CNTNAP2: variants seen among roughly 807,000 people sequenced by gnomAD.
CNTNAP2 encodes contactin-associated protein-like 2.
In CNTNAP2, 98 loss-of-function variants were observed where a neutral mutation model predicts 155.2. That is an observed-to-expected ratio of 0.63 (90% CI 0.54 to 0.75). The LOEUF (loss-of-function observed/expected upper bound fraction) is 0.75. Ranked by LOEUF, CNTNAP2 falls within the 30% of genes least tolerant of loss-of-function variation. The pLI is 0.00. For synonymous variants in CNTNAP2, 651 were observed against 631.2 expected (o/e 1.03, Z -0.47); for missense variants, 1,727 against 1,688.1 (o/e 1.02, Z -0.40).
At chr7:147,554,049 T>C (rs1799904254) in intron 11 of CNTNAP2, among the ~76,000 whole-genome samples, 1 of 152,198 alleles carries the variant, frequency 6.6e-6, no homozygotes, top group South Asian at 2.1e-4. Flanking sequence ...GCAACCTCTA[T>C]AGGATCTGAG....
intron 9 of CNTNAP2, among the ~76,000 whole-genome samples, chr7:147,337,395 C>T (rs1450146394): frequency 2.6e-5 from 4 of 152,114 alleles, no homozygotes; most frequent in African/African-American, 9.7e-5. Context: ...GTTCTGGGAA[C>T]AATGGGAACA....
At chr7:147,910,698 A>G (rs1800047623) in intron 14 of CNTNAP2, among the ~76,000 whole-genome samples, 1 of 152,180 alleles carries the variant, frequency 6.6e-6, no homozygotes, top group Non-Finnish European at 1.5e-5. Context: ...GAACTTGTGC[A>G]GGAGAACTCC....
chr7:146,913,342 G>C (rs1267231900), intron 3 of CNTNAP2, among the ~76,000 whole-genome samples: 2 of 152,106 alleles, frequency 1.3e-5, no homozygotes, highest in East Asian at 3.9e-4. Flanking sequence ...CCAAGCTAAG[G>C]GGTTTGTGAT....
chr7:148,302,806 G>C (rs1036952211), intron 21 of CNTNAP2, among the ~76,000 whole-genome samples: 2 of 136,882 alleles, frequency 1.5e-5, no homozygotes, highest in African/African-American at 5.3e-5. Flanking sequence ...ACTCAGTCTC[G>C]ATTATTCTTT....
intron 11 of CNTNAP2, among the ~76,000 whole-genome samples, chr7:147,516,848 CTTTTTT>C: frequency 8.9e-6 from 1 of 112,620 alleles, no homozygotes; most frequent in Non-Finnish European, 1.8e-5. Flanking sequence ...TCTTTCTTTT[CTTTTTT>C]TTTTTTTTTT....
At chr7:146,242,344 C>T (rs1799575803) in intron 1 of CNTNAP2, among the ~76,000 whole-genome samples, 1 of 152,074 alleles carries the variant, frequency 6.6e-6, no homozygotes, top group African/African-American at 2.4e-5. Context: ...TCTAGACCAG[C>T]CTGGCCAACA....
intron 9 of CNTNAP2, among the ~76,000 whole-genome samples, chr7:147,339,244 G>A (rs1795715775): frequency 6.6e-6 from 1 of 152,112 alleles, no homozygotes; most frequent in Non-Finnish European, 1.5e-5. Context: ...AGTGTTGTGA[G>A]GTGGGGCATA....
At chr7:147,225,815 G>T (rs1803517170) in intron 8 of CNTNAP2, among the ~76,000 whole-genome samples, 1 of 142,824 alleles carries the variant, frequency 7.0e-6, no homozygotes, top group Non-Finnish European at 1.5e-5. Context: ...AAGAAAGAAG[G>T]AAAGAAGGAA....
chr7:146,819,707 T>G (rs1803239195), intron 2 of CNTNAP2, among the ~76,000 whole-genome samples: 1 of 152,158 alleles, frequency 6.6e-6, no homozygotes, highest in Admixed American at 6.6e-5. Context: ...ACACAGCTCC[T>G]AATTTTCATC....
intron 12 of CNTNAP2, among the ~76,000 whole-genome samples, chr7:147,638,503 G>A (rs558744801): frequency 4.6e-5 from 7 of 151,914 alleles, no homozygotes; most frequent in East Asian, 1.9e-4. Context: ...TTCTTTTCTC[G>A]CAGTGAAATT....
At chr7:148,330,204 GTGGATGGATGGAATGGATGGATGGAA>G (rs71188971) in intron 21 of CNTNAP2, among the ~76,000 whole-genome samples, 27 of 141,516 alleles carry the variant, frequency 1.9e-4, no homozygotes, top group African/African-American at 4.8e-4. Context: ...GGTGGATGGA[GTGGATGGATGGAATGGATGGATGGAA>G]TGGATGGATG....
intron 18 of CNTNAP2, among the ~76,000 whole-genome samples, chr7:148,174,299 G>C (rs553717518): frequency 6.6e-6 from 1 of 152,226 alleles, no homozygotes; most frequent in South Asian, 2.1e-4. Flanking sequence ...GTCCAGGAAA[G>C]CTTTGTCTGC....
intron 1 of CNTNAP2, among the ~76,000 whole-genome samples, chr7:146,630,627 C>A (rs1799495397): frequency 6.6e-6 from 1 of 152,086 alleles, no homozygotes; most frequent in Non-Finnish European, 1.5e-5. Flanking sequence ...TTCTCCACAG[C>A]CTCAACAACA....
chr7:147,466,922 A>AAAT (rs1215389605), intron 10 of CNTNAP2, among the ~76,000 whole-genome samples: 7 of 152,090 alleles, frequency 4.6e-5, no homozygotes, highest in Admixed American at 3.3e-4. Flanking sequence ...TCCATCTCAA[A>AAAT]AATAATAATA....
intron 1 of CNTNAP2, among the ~76,000 whole-genome samples, chr7:146,769,522 C>T (rs143428519): frequency 9.9e-5 from 15 of 152,282 alleles, no homozygotes; most frequent in African/African-American, 1.9e-4. Flanking sequence ...CTACAACCAT[C>T]TCTGGGAAAT....
chr7:147,863,443 C>T (rs995661026), intron 13 of CNTNAP2, among the ~76,000 whole-genome samples: 12 of 152,000 alleles, frequency 7.9e-5, no homozygotes, highest in African/African-American at 2.9e-4. Context: ...TGGTATATAC[C>T]CAGTAATGGG....
chr7:146,452,062 C>T (rs1796492022), intron 1 of CNTNAP2, among the ~76,000 whole-genome samples: 1 of 151,422 alleles, frequency 6.6e-6, no homozygotes, highest in African/African-American at 2.4e-5. Flanking sequence ...GCACGTGCCA[C>T]CATACTCAGA....
At chr7:148,054,071 C>T (rs1002231387) in intron 15 of CNTNAP2, among the ~76,000 whole-genome samples, 2 of 150,090 alleles carry the variant, frequency 1.3e-5, no homozygotes, top group African/African-American at 4.9e-5. Flanking sequence ...CTCCCGGGTT[C>T]ACGCCATTCT....
intron 15 of CNTNAP2, chr7:148,056,655 C>T (rs1803016108): frequency 2.0e-5 from 3 of 152,186 alleles, no homozygotes; most frequent in Admixed American, 1.3e-4. Flanking sequence ...TCTGTGGTCC[C>T]TCCCGCAACA....
Sources: allele counts gnomAD v4.1 joint callset (sites outside exome capture counted in the v4.1 genomes callset), GRCh38; gene constraint gnomAD v4.1.1; transcripts MANE v1.5; gene names NCBI Gene and HGNC (gene_info 2026-07-23, HGNC 2026-07-21).